Variants in MYO5B observed in about 807,000 individuals in gnomAD.
MYO5B encodes the protein unconventional myosin-Vb.
MYO5B carries 143 observed loss-of-function variants against 229.3 expected under a neutral mutation model. The observed-to-expected ratio is 0.62, with a 90% CI of 0.54 to 0.72. The LOEUF is 0.72. Among genes scored for constraint, MYO5B ranks in the 30% least tolerant of loss-of-function variants. The pLI is 0.00. For synonymous variants in MYO5B, 918 were observed against 885.2 expected, an observed-to-expected ratio of 1.04 and a Z score of -0.66; for missense variants, 2,321 against 2,331.0, an observed-to-expected ratio of 1.00 and a Z score of 0.09.
At position 49,847,210 on chromosome 18, in the gene MYO5B, A is replaced by G; in HGVS notation, c.4395T>C (p.Asp1465=). 5 of 1,614,074 alleles carry G rather than the reference A, an allele frequency of 3.1e-6. No homozygotes were observed. The highest frequency in any genetic ancestry group is 4.2e-6 in the Non-Finnish European group (5 of 1,180,026). ...RQVTVQRKEK[D]FQGMLEYHKE... is the part of the protein sequence containing the mutation. The stretch of plus-strand genomic sequence containing the variant: ...TGTGGTACTCCAGCATGCCCTGGAA[A>G]TCCTTCTCTTTCCGCTGGACCGTGA... Residue 1465 remains aspartate, a synonymous_variant, in exon 33 of 40, where the codon GAT becomes GAC. Coordinates refer to ENST00000285039, the MANE Select transcript of MYO5B (RefSeq NM_001080467.3).
intron 17 of MYO5B, among the ~76,000 whole-genome samples, chr18:49,916,361 G>C (rs547902142): frequency 6.6e-6 from 1 of 152,326 alleles, no homozygotes; most frequent in African/African-American, 2.4e-5. Context: ...GATGCCGGCC[G>C]GCAGTGCGAC....
intron 4 of MYO5B, among the ~76,000 whole-genome samples, chr18:50,028,819 T>C (rs949001961): frequency 1.3e-5 from 2 of 152,318 alleles, no homozygotes; most frequent in Admixed American, 6.5e-5. Context: ...CCAAGTAAAA[T>C]AGTGAATATT....
In MYO5B at chr18:50,087,175, G is replaced by A. The variant is rs374087255; in HGVS notation, c.28-31797C>T. Among the ~76,000 whole-genome samples, 6 of 152,158 alleles carry A rather than the reference G, an allele frequency of 3.9e-5. No individual in the cohort carries two copies. The East Asian group carries it at 9.6e-4, about 24-fold the overall frequency. On this transcript the variant is annotated intron_variant, in intron 1 of 39. Coordinates refer to ENST00000285039, the MANE Select transcript of MYO5B (RefSeq NM_001080467.3). ...GATACTTCCTTAAAGCCACAGCCAG[G>A]TAGGACTTCGATGTTTGCCAAGTGT...
At position 49,824,231 on chromosome 18, in the gene MYO5B, T is replaced by A. The variant is rs607552; in HGVS notation, c.*2240A>T. ...CTTCTTCTAGCCTCCAAGTATTAAA[T>A]AAGACAGATCTAAATATTAACTACA... is the stretch of plus-strand genomic sequence containing the variant. On this transcript the variant is annotated 3_prime_UTR_variant, in exon 40 of 40. Coordinates refer to ENST00000285039, the MANE Select transcript of MYO5B (RefSeq NM_001080467.3). 6.8e-6 allele frequency: 1 copy of A among 146,308 alleles called. No homozygotes were observed. Among genetic ancestry groups the A allele is most frequent in the Non-Finnish European group, 1.5e-5 (1 of 66,072 alleles). The allele number at this position is 146,308 out of a possible 1,614,324, so 9.1% of individuals were successfully genotyped here. A position where few individuals can be genotyped will look rare whatever the true frequency, so the allele number is the denominator to read the frequency against.
At position 49,974,448 on chromosome 18, in the gene MYO5B, G is replaced by A. The variant is rs1183254977; in HGVS notation, c.1224C>T (p.Ile408=). 2 of 1,614,210 alleles carry A rather than the reference G, an allele frequency of 1.2e-6. No homozygotes were observed. Among genetic ancestry groups the A allele is most frequent in the South Asian group, 1.1e-5 (1 of 91,084 alleles). ...INARNALAKH[I]YAQLFGWIVE... is the part of the protein sequence containing the mutation. ...CAATCCAGCCGAACAACTGGGCATAGATGTGCTTCGCCAGGGCGTTGCGCG... is the reference window on the plus strand; with the variant it reads ...CAATCCAGCCGAACAACTGGGCATAAATGTGCTTCGCCAGGGCGTTGCGCG... Residue 408 remains isoleucine, a synonymous_variant, in exon 10 of 40, where the codon ATC becomes ATT. Transcript: ENST00000285039.
chr18:49,845,902 C>T (rs1222106427), intron 33 of MYO5B, among the ~76,000 whole-genome samples: 2 of 152,226 alleles, frequency 1.3e-5, no homozygotes, highest in Non-Finnish European at 2.9e-5. Flanking sequence ...CAGACTCCCT[C>T]CTGGCCCTTG....
chr18:49,948,290 A>G lies in MYO5B; in HGVS notation c.1752+4970T>C, dbSNP rs146725660. 2.9e-4 allele frequency among the ~76,000 whole-genome samples: 44 copies of G among 152,244 alleles called. No individual in the cohort carries two copies. In the East Asian group the frequency reaches 7.7e-3, roughly 27 times the overall value. Reference sequence around the variant, plus strand: ...CATAATAAACACATTTTTCCTTTCAATCAATTCTTTTTACATGACTAATGG... The same window carrying G: ...CATAATAAACACATTTTTCCTTTCAGTCAATTCTTTTTACATGACTAATGG... On this transcript the variant is annotated intron_variant, in intron 14 of 39. Transcript: ENST00000285039.
At chr18:50,072,810 A>T (rs2144451357) in intron 1 of MYO5B, among the ~76,000 whole-genome samples, 1 of 151,974 alleles carries the variant, frequency 6.6e-6, no homozygotes, top group South Asian at 2.1e-4. Flanking sequence ...GCCAATAGGG[A>T]GCTCCCACTG....
intron 3 of MYO5B, among the ~76,000 whole-genome samples, chr18:50,037,209 A>T (rs1217578774): frequency 6.7e-6 from 1 of 150,362 alleles, no homozygotes; most frequent in African/African-American, 2.5e-5. Flanking sequence ...ACACATACAC[A>T]CACACAAACA....
chr18:50,130,527 G>A (rs1354040813), intron 1 of MYO5B, among the ~76,000 whole-genome samples: 1 of 152,156 alleles, frequency 6.6e-6, no homozygotes, highest in Non-Finnish European at 1.5e-5. Context: ...CATTGGCAAA[G>A]GCTCCTTCAA....
intron 8 of MYO5B, among the ~76,000 whole-genome samples, chr18:49,982,873 T>C (rs911319249): frequency 6.6e-6 from 1 of 152,204 alleles, no homozygotes; most frequent in African/African-American, 2.4e-5. Context: ...ACAAAAGCAA[T>C]TTGCTTTGAG....
chr18:49,992,797 A>G (rs4939928), intron 5 of MYO5B, among the ~76,000 whole-genome samples: 115,126 of 152,046 alleles, frequency 0.76, 46,676 homozygotes, highest in East Asian at 0.94. Flanking sequence ...GAAAAGGCCT[A>G]AAGAATCACA....
intron 4 of MYO5B, among the ~76,000 whole-genome samples, chr18:50,025,747 C>A (rs998624155): frequency 2.0e-5 from 3 of 152,200 alleles, no homozygotes; most frequent in African/African-American, 7.2e-5. Flanking sequence ...CTTCACCCCA[C>A]TGTAAAGGTA....
intron 1 of MYO5B, among the ~76,000 whole-genome samples, chr18:50,109,397 T>C (rs1277641573): frequency 1.3e-5 from 2 of 151,320 alleles, no homozygotes; most frequent in African/African-American, 4.9e-5. Context: ...GTCAATCTTA[T>C]CACAACTGGT....
At chr18:50,055,239 C>T (rs758650619) in intron 2 of MYO5B, 29 bp downstream of exon 2, 1 of 835,452 alleles carries the variant, frequency 1.2e-6, no homozygotes, top group Non-Finnish European at 2.1e-6. Context: ...CACCTCACCC[C>T]CGCCCCCCTG....
At chr18:50,018,134 C>T (rs367797597) in intron 4 of MYO5B, among the ~76,000 whole-genome samples, 28 of 152,224 alleles carry the variant, frequency 1.8e-4, no homozygotes, top group Middle Eastern at 3.4e-3. Flanking sequence ...GGCTGGATGG[C>T]TATTCACAGT....
In MYO5B at chr18:49,906,731, AC is replaced by A. The variant is rs373966052; in HGVS notation, c.2203-102del. 8.3e-4 allele frequency: 837 copies of A among 1,005,010 alleles called. 5 individuals carry two copies. The African/African-American group carries it at 9.7e-3, about 12-fold the overall frequency. 62.3% of individuals were successfully genotyped at this position (1,005,010 alleles called of 1,614,324 possible). On this transcript the variant is annotated intron_variant, in intron 18 of 39. Coordinates refer to ENST00000285039, the MANE Select transcript of MYO5B (RefSeq NM_001080467.3). ...TTCCCATGCAGAATCCCCTGGCCAG[AC>A]TTCATGCACCCCTCTCTGTAGATGG... is the stretch of plus-strand genomic sequence containing the variant.
intron 22 of MYO5B, among the ~76,000 whole-genome samples, chr18:49,891,248 T>G (rs1411984967): frequency 2.0e-5 from 3 of 152,108 alleles, no homozygotes; most frequent in African/African-American, 7.2e-5. Context: ...TGGCTTATCT[T>G]CTCCCCTTAC....
At chr18:50,026,175 G>T (rs895751599) in intron 4 of MYO5B, among the ~76,000 whole-genome samples, 1 of 152,192 alleles carries the variant, frequency 6.6e-6, no homozygotes, top group Admixed American at 6.5e-5. Flanking sequence ...AAGAAAAGCT[G>T]CTTTCTGGCA....
Sources: allele counts gnomAD v4.1 joint callset (sites outside exome capture counted in the v4.1 genomes callset), GRCh38; gene constraint gnomAD v4.1.1; transcripts MANE v1.5; gene names NCBI Gene and HGNC (gene_info 2026-07-23, HGNC 2026-07-21).